PHF3: variants seen among roughly 807,000 people sequenced by gnomAD.
PHF3 encodes the protein PHD finger protein 3.
PHF3 carries 41 observed loss-of-function variants against 178.4 expected under a neutral mutation model. That is an observed-to-expected ratio of 0.23 (90% CI 0.18 to 0.30). The LOEUF (loss-of-function observed/expected upper bound fraction) is 0.30. Ranked by LOEUF, PHF3 falls within the 10% of genes least tolerant of loss-of-function variation. The probability of loss-of-function intolerance (pLI) is 1.00; values close to 1 mark genes in which losing one functional copy is unlikely to be tolerated. For missense variants in PHF3, 2,346 were observed against 2,398.1 expected, an observed-to-expected ratio of 0.98 and a Z score of 0.45; for synonymous variants, 842 against 800.5, an observed-to-expected ratio of 1.05 and a Z score of -0.88.
At position 63,715,748 on chromosome 6, in the gene PHF3, A is replaced by G. The variant is rs1488505035; in HGVS notation, c.*2040A>G. 6.6e-6 allele frequency among the ~76,000 whole-genome samples: 1 copy of G among 152,058 alleles called. No individual in the cohort carries two copies. Among genetic ancestry groups the G allele is most frequent in the Non-Finnish European group, 1.5e-5 (1 of 68,004 alleles). ...ATCTTGTAACCGCTGATTGACTGAA[A>G]CATTTTATGGAGAATAGGGAAGGTA... On this transcript the variant is annotated 3_prime_UTR_variant, in exon 16 of 16. Transcript: ENST00000262043.
rs1255151171 is a variant in PHF3, at chr6:63,716,428, A to G, written c.*2720A>G. Among the ~76,000 whole-genome samples the G allele has an allele frequency of 6.6e-6, 1 of 152,180 alleles. No homozygotes were observed. The highest frequency in any genetic ancestry group is 1.5e-5 in the Non-Finnish European group (1 of 68,016). The stretch of plus-strand genomic sequence containing the variant: ...AACCCAACTGTTCAGTGTGAGTCAG[A>G]AGACACAACCAAAAACCTGTAAGTT... On this transcript the variant is annotated 3_prime_UTR_variant, in exon 16 of 16. Coordinates refer to ENST00000262043, the MANE Select transcript of PHF3 (RefSeq NM_001370348.2).
At chr6:63,656,748 T>C (rs994670070) in intron 2 of PHF3, among the ~76,000 whole-genome samples, 1 of 152,228 alleles carries the variant, frequency 6.6e-6, no homozygotes, top group Non-Finnish European at 1.5e-5. Flanking sequence ...GGTAATTTTC[T>C]AATACTCTCA....
In PHF3 at chr6:63,646,876, CTTTTTTTCTTTTTTT is replaced by C. The variant is rs1297766162; in HGVS notation, c.244+89_244+103del. On this transcript the variant is annotated intron_variant, in intron 2 of 15. Transcript: ENST00000262043. The stretch of plus-strand genomic sequence containing the variant: ...AATTTTCAGCAGCTTTTTCTTTTTT[CTTTTTTTCTTTTTTT>C]TTTTTTTAATGAGGAGGGTAGTAAA... The C allele has an allele frequency of 1.0e-5, 8 of 774,590 alleles. No homozygotes were observed. In the African/African-American group the frequency reaches 1.9e-4, roughly 19 times the overall value. The allele number at this position is 774,590 out of a possible 1,614,324, so 48.0% of individuals were successfully genotyped here. A position where few individuals can be genotyped will look rare whatever the true frequency, so the allele number is the denominator to read the frequency against.
chr6:63,668,894 C>T (rs1018120256), intron 2 of PHF3, among the ~76,000 whole-genome samples: 3 of 152,036 alleles, frequency 2.0e-5, no homozygotes, highest in Admixed American at 6.5e-5. Context: ...ATATTTTCCT[C>T]TGTTACGTGT....
Position 63,723,518 on chromosome 6 carries a change from A to T in PHF3, c.*9810A>T, listed in dbSNP as rs939471420. Among the ~76,000 whole-genome samples the T allele has an allele frequency of 1.3e-5, 2 of 152,220 alleles. No individual in the cohort carries two copies. The highest frequency in any genetic ancestry group is 6.5e-5 in the Admixed American group (1 of 15,288). On this transcript the variant is annotated 3_prime_UTR_variant, in exon 16 of 16. Transcript: ENST00000262043. ...TTATAGTGAAGAGCTACATTAGAAT[A>T]AAAAATATCTAAGAAATGATTAGGA...
Position 63,711,382 on chromosome 6 carries a change from A to C in PHF3, c.3997+20A>C. On this transcript the variant is annotated intron_variant, in intron 15 of 15. Transcript: ENST00000262043. The stretch of plus-strand genomic sequence containing the variant: ...GACCTGGTAGGTATACGTTTTAATA[A>C]TAGGATAAGAATGAAATAACATGGG... 1 of 1,563,704 alleles carries C rather than the reference A, an allele frequency of 6.4e-7. No individual in the cohort carries two copies. The highest frequency in any genetic ancestry group is 1.4e-5 in the African/African-American group (1 of 73,218).
In PHF3 at chr6:63,717,409, G is replaced by A. The variant is rs557748271; in HGVS notation, c.*3701G>A. On this transcript the variant is annotated 3_prime_UTR_variant, in exon 16 of 16. Coordinates refer to ENST00000262043, the MANE Select transcript of PHF3 (RefSeq NM_001370348.2). ...GCTACAACTTACTAATGACTACAAA[G>A]AACTATATACACAATCAGGTTTATT... Among the ~76,000 whole-genome samples, 21 of 152,112 alleles carry A rather than the reference G, an allele frequency of 1.4e-4. No individual in the cohort carries two copies. Among genetic ancestry groups the A allele is most frequent in the African/African-American group, 4.8e-4 (20 of 41,538 alleles).
rs1456227273 is a variant in PHF3 at position 63,711,835 on chromosome 6, A to G, written c.4247A>G (p.Asn1416Ser). 1 of 1,614,060 alleles carries G rather than the reference A, an allele frequency of 6.2e-7. No individual in the cohort carries two copies. The highest frequency in any genetic ancestry group is 1.1e-5 in the South Asian group (1 of 91,086). ...AAGCAGAGAAATAAACCTCAGCAGA[A>G]TCTTCAGGAAGACCTTCCAACAGCA... ...LHKQRNKPQQ[N>S]LQEDLPTAVE... Residue 1416 changes from asparagine (N) to serine (S), a missense_variant, in exon 16 of 16, where the codon AAT (asparagine) becomes AGT (serine). Physicochemically the swap from Asn to Ser is conservative, Grantham distance 46 (BLOSUM62 1). Transcript: ENST00000262043.
At chr6:63,706,642 C>A in intron 12 of PHF3, 87 bp from the exon 13 acceptor site, 1 of 1,309,572 alleles carries the variant, frequency 7.6e-7, no homozygotes, top group Non-Finnish European at 1.1e-6. Flanking sequence ...GCCTTCTTCA[C>A]ATGCTAAAAT....
chr6:63,698,402 T>C, intron 7 of PHF3, 35 bp downstream of exon 7: 1 of 1,588,236 alleles, frequency 6.3e-7, no homozygotes, highest in Non-Finnish European at 8.6e-7. Context: ...GTATCAATAA[T>C]TATGCTTTAT....
In PHF3 at chr6:63,640,255, T is replaced by C. The variant is rs554343397; in HGVS notation, c.-26+4105T>C. Among the ~76,000 whole-genome samples the C allele has an allele frequency of 1.1e-4, 16 of 152,336 alleles. No individual in the cohort carries two copies. In the South Asian group the frequency reaches 2.5e-3, roughly 24 times the overall value. ...TCATACCACATGGCCTAACCACTTA[T>C]TAATTTTTGACTCTGTCCTCGAAGG... On this transcript the variant is annotated intron_variant, in intron 1 of 15. Coordinates refer to ENST00000262043, the MANE Select transcript of PHF3 (RefSeq NM_001370348.2).
intron 3 of PHF3, among the ~76,000 whole-genome samples, chr6:63,680,398 AT>A (rs994238749): frequency 0.023 from 2,670 of 117,588 alleles, 27 homozygotes; most frequent in South Asian, 0.082. Context: ...AGCTGGTTTA[AT>A]TTTTTTTTTT....
At position 63,712,097 on chromosome 6, in the gene PHF3, C is replaced by T; in HGVS notation, c.4509C>T (p.Thr1503=). The change falls in exon 16 of 16, where the codon ACC becomes ACT. Residue 1503 remains threonine, a synonymous_variant. Coordinates refer to ENST00000262043, the MANE Select transcript of PHF3 (RefSeq NM_001370348.2). The part of the protein sequence containing the change: ...VKEIPFLNEQ[T]NSKIEKTDNV... ...AAATTCCATTTTTAAATGAGCAGAC[C>T]AACTCAAAAATAGAGAAAACAGATA... 3 of 1,613,474 alleles carry T rather than the reference C, an allele frequency of 1.9e-6. No homozygotes were observed.
At chr6:63,689,923 A>G (rs1326428774) in intron 4 of PHF3, among the ~76,000 whole-genome samples, 2 of 152,200 alleles carry the variant, frequency 1.3e-5, no homozygotes, top group East Asian at 3.8e-4. Context: ...AAGTAAAGGG[A>G]AATCATTAGC....
chr6:63,651,033 A>AT (rs1208998308), intron 2 of PHF3, among the ~76,000 whole-genome samples: 2 of 152,006 alleles, frequency 1.3e-5, no homozygotes, highest in Admixed American at 6.6e-5. Context: ...TTATTAGTTG[A>AT]TTTTTTTAAA....
rs1735736134 is a variant in PHF3, at chr6:63,684,599, G to C, written c.877G>C (p.Glu293Gln). 6.2e-7 allele frequency: 1 copy of C among 1,613,822 alleles called. No homozygotes were observed. Among genetic ancestry groups the C allele is most frequent in the Admixed American group, 1.7e-5 (1 of 60,016 alleles). ...ATTGTTTAAGTTTTCAGATAAAGAA[G>C]AACATGAACAAAATGATTCCATTTC... Reference protein sequence around the residue: ...SPLFKFSDKEEHEQNDSISGK... With the variant: ...SPLFKFSDKEQHEQNDSISGK... Residue 293 changes from glutamate to glutamine, a missense_variant, in exon 4 of 16, where the codon GAA becomes CAA. Physicochemically the swap from Glu to Gln is conservative, Grantham distance 29. Around this residue, in one of 8 missense-constraint regions of PHF3, gnomAD observed 843 missense variants for 795.2 expected, o/e 1.06. Transcript: ENST00000262043.
chr6:63,686,761 T>C (rs911852594), intron 4 of PHF3, among the ~76,000 whole-genome samples: 1 of 152,234 alleles, frequency 6.6e-6, no homozygotes, highest in African/African-American at 2.4e-5. Context: ...TTATAATTTG[T>C]ATATTATATT....
intron 2 of PHF3, among the ~76,000 whole-genome samples, chr6:63,679,459 TC>T (rs397841499): frequency 6.6e-6 from 1 of 150,726 alleles, no homozygotes; most frequent in Non-Finnish European, 1.5e-5. Context: ...TTCATTTTTT[TC>T]CTCTCTCTGT....
chr6:63,711,948 C>T lies in PHF3; in HGVS notation c.4360C>T (p.Pro1454Ser). 2 of 1,613,806 alleles carry T rather than the reference C, an allele frequency of 1.2e-6. No individual in the cohort carries two copies. The highest frequency in any genetic ancestry group is 1.7e-6 in the Non-Finnish European group (2 of 1,179,904). ...CGTGTTGATTGGCTGGGAGAATCAA[C>T]CTACTACTCTGGAATTAGCAAATAA... The part of the protein sequence containing the change: ...PGVLIGWENQ[P>S]TTLELANKPL... Residue 1454 changes from proline (P) to serine (S), a missense_variant, in exon 16 of 16, where the codon CCT becomes TCT. Around this residue, in one of 8 missense-constraint regions of PHF3, gnomAD observed 839 missense variants for 806.9 expected, o/e 1.04. Coordinates refer to ENST00000262043, the MANE Select transcript of PHF3 (RefSeq NM_001370348.2).
Sources: allele counts gnomAD v4.1 joint callset (sites outside exome capture counted in the v4.1 genomes callset), GRCh38; gene constraint gnomAD v4.1.1; regional missense constraint gnomAD v4.1.1; transcripts MANE v1.5; gene names NCBI Gene and HGNC (gene_info 2026-07-23, HGNC 2026-07-21).